MCUB: variants seen among roughly 807,000 people sequenced by gnomAD.
MCUB encodes the protein mitochondrial calcium uniporter dominant negative subunit beta, also known as calcium uniporter regulatory subunit MCUb, mitochondrial.
A neutral mutation model predicts 41.4 loss-of-function variants in MCUB; 46 were observed. That is an observed-to-expected ratio of 1.11 (90% CI 0.88 to 1.42). MCUB has a LOEUF of 1.42. Among genes scored for constraint, MCUB ranks in the 40% most tolerant of loss-of-function variants. The pLI, the probability that MCUB is intolerant of heterozygous loss-of-function variation, is 0.00. For synonymous variants in MCUB, 148 were observed against 148.2 expected, an observed-to-expected ratio of 1.00 and a Z score of 0.01; for missense variants, 403 against 404.9, an observed-to-expected ratio of 1.00 and a Z score of 0.04.
rs1554021353 is a variant in MCUB, at chr4:109,685,238, C to CTCT, written c.817-12_817-11insCTT. On this transcript the variant is annotated splice_polypyrimidine_tract_variant and intron_variant, in intron 6 of 7. Coordinates refer to ENST00000394650, the MANE Select transcript of MCUB (RefSeq NM_017918.5). ...AAACATGTTGTTTTCTTCTCTCTCTCTTTTTTTTTAAGGATTATACTTACT... is the reference window on the plus strand; with the variant it reads ...AAACATGTTGTTTTCTTCTCTCTCTCTCTTTTTTTTTTAAGGATTATACTTACT... 6.7e-6 allele frequency: 6 copies of CTCT among 896,780 alleles called. No individual in the cohort carries two copies. The highest frequency in any genetic ancestry group is 4.7e-5 in the South Asian group (3 of 64,050). The allele number at this position is 896,780 out of a possible 1,614,324, so 55.6% of individuals were successfully genotyped here. A position where few individuals can be genotyped will look rare whatever the true frequency, so the allele number is the denominator to read the frequency against.
At chr4:109,597,736 A>AC (rs546760322) in intron 1 of MCUB, among the ~76,000 whole-genome samples, 3,333 of 124,336 alleles carry the variant, frequency 0.027, 96 homozygotes, top group South Asian at 0.08. Flanking sequence ...CGGGGGGCTG[A>AC]CCCCCCCACC....
intron 5 of MCUB, 41 bp from the exon 6 acceptor site, chr4:109,684,402 G>A (rs769823846): frequency 2.0e-6 from 3 of 1,495,154 alleles, no homozygotes; most frequent in East Asian, 2.3e-5. Context: ...TTTAGTTGGT[G>A]TATTTGTAAA....
intron 1 of MCUB, among the ~76,000 whole-genome samples, chr4:109,613,009 A>G (rs911908868): frequency 1.3e-5 from 2 of 152,024 alleles, no homozygotes; most frequent in East Asian, 1.9e-4. Flanking sequence ...GCGAGGCTGA[A>G]GCAGGAGAAT....
In MCUB at chr4:109,635,255, A is replaced by G. The variant is rs560699478; in HGVS notation, c.100-23756A>G. 3.1e-4 allele frequency among the ~76,000 whole-genome samples: 47 copies of G among 152,206 alleles called. 1 individual carries two copies. Among genetic ancestry groups the G allele is most frequent in the Admixed American group, 2.4e-3 (37 of 15,286 alleles). ...CTTTGCTATTGTGAACAATGCTGCA[A>G]TAAACATACGTGTGCATGTGTCTTT... On this transcript the variant is annotated intron_variant, in intron 1 of 7. Transcript: ENST00000394650.
rs566974560 is a variant in MCUB at position 109,613,022 on chromosome 4, T to C, written c.100-45989T>C. On this transcript the variant is annotated intron_variant, in intron 1 of 7. Coordinates refer to ENST00000394650, the MANE Select transcript of MCUB (RefSeq NM_017918.5). ...TCGCGAGGCTGAAGCAGGAGAATGG[T>C]GTGAACCCGGGAGGCAGAGCTTGCA... Among the ~76,000 whole-genome samples the C allele has an allele frequency of 9.9e-5, 15 of 151,960 alleles. No individual in the cohort carries two copies. In the South Asian group the frequency reaches 1.0e-3, roughly 11 times the overall value.
chr4:109,588,569 A>C (rs990019083), intron 1 of MCUB, among the ~76,000 whole-genome samples: 3 of 152,174 alleles, frequency 2.0e-5, no homozygotes, highest in Admixed American at 2.0e-4. Context: ...TTTGAAAAAA[A>C]ATTTTGTTTT....
intron 7 of MCUB, among the ~76,000 whole-genome samples, chr4:109,685,679 C>T (rs926824090): frequency 6.6e-6 from 1 of 152,182 alleles, no homozygotes; most frequent in African/African-American, 2.4e-5. Context: ...GGAAGGTGAA[C>T]ACTGTGATAA....
At chr4:109,681,335 A>G in intron 4 of MCUB, 1 of 319,614 alleles carries the variant, frequency 3.1e-6, no homozygotes, top group Non-Finnish European at 6.4e-6. Flanking sequence ...AAGGTAGTCA[A>G]AAGCTACTAA....
At chr4:109,677,616 AGT>A (rs1417091392) in intron 4 of MCUB, among the ~76,000 whole-genome samples, 1 of 152,006 alleles carries the variant, frequency 6.6e-6, no homozygotes, top group African/African-American at 2.4e-5. Context: ...TTATCATGGG[AGT>A]GTGTTATCTT....
chr4:109,604,511 C>T (rs1301674045), intron 1 of MCUB, among the ~76,000 whole-genome samples: 1 of 152,086 alleles, frequency 6.6e-6, no homozygotes, highest in Non-Finnish European at 1.5e-5. Context: ...CCCTTTATTT[C>T]ATTCTCTGGT....
intron 1 of MCUB, among the ~76,000 whole-genome samples, chr4:109,616,891 G>A (rs2126134718): frequency 6.6e-6 from 1 of 152,256 alleles, no homozygotes; most frequent in African/African-American, 2.4e-5. Flanking sequence ...GGTACAGTTA[G>A]TGTTCATGGA....
intron 1 of MCUB, among the ~76,000 whole-genome samples, chr4:109,581,688 A>G (rs1182346213): frequency 1.3e-5 from 2 of 152,360 alleles, no homozygotes; most frequent in Admixed American, 6.5e-5. Context: ...ATTTACAAGA[A>G]AAAAACAACC....
At chr4:109,667,668 A>G (rs982869128) in intron 4 of MCUB, among the ~76,000 whole-genome samples, 1 of 149,820 alleles carries the variant, frequency 6.7e-6, no homozygotes, top group African/African-American at 2.4e-5. Flanking sequence ...ATATTCTACT[A>G]TATTTATTAT....
chr4:109,629,396 C>A (rs1325227155), intron 1 of MCUB, among the ~76,000 whole-genome samples: 1 of 152,154 alleles, frequency 6.6e-6, no homozygotes, highest in Non-Finnish European at 1.5e-5. Context: ...ACTTCTGTGA[C>A]CCCTAGTCAC....
At chr4:109,576,501 A>G (rs1727032643) in intron 1 of MCUB, among the ~76,000 whole-genome samples, 1 of 150,264 alleles carries the variant, frequency 6.7e-6, no homozygotes, top group Non-Finnish European at 1.5e-5. Flanking sequence ...ACAATAGTAG[A>G]AAAAGATAAC....
At chr4:109,598,561 G>A (rs894098120) in intron 1 of MCUB, among the ~76,000 whole-genome samples, 1 of 152,126 alleles carries the variant, frequency 6.6e-6, no homozygotes, top group Admixed American at 6.5e-5. Flanking sequence ...GTCCAGCTTC[G>A]GCTGGGCATG....
chr4:109,633,857 T>G (rs922483654), intron 1 of MCUB, among the ~76,000 whole-genome samples: 5 of 152,142 alleles, frequency 3.3e-5, no homozygotes, highest in Admixed American at 6.6e-5. Context: ...TGTTCTTATC[T>G]AAGAGACACC....
At chr4:109,665,139 G>T (rs1729315748) in intron 4 of MCUB, among the ~76,000 whole-genome samples, 2 of 151,980 alleles carry the variant, frequency 1.3e-5, no homozygotes, top group South Asian at 4.2e-4. Context: ...TTTACATTAG[G>T]GTTTACTCTT....
At chr4:109,603,578 G>A (rs553194852) in intron 1 of MCUB, among the ~76,000 whole-genome samples, 22 of 150,598 alleles carry the variant, frequency 1.5e-4, no homozygotes, top group Middle Eastern at 3.4e-3. Flanking sequence ...GGTGAGGAGC[G>A]TCTCTACCTG....
Sources: allele counts gnomAD v4.1 joint callset (sites outside exome capture counted in the v4.1 genomes callset), GRCh38; gene constraint gnomAD v4.1.1; transcripts MANE v1.5; gene names NCBI Gene and HGNC (gene_info 2026-07-23, HGNC 2026-07-21).